The following VWC2 variants were observed in gnomAD, a reference collection of about 807,000 sequenced individuals.
VWC2 encodes von Willebrand factor C domain containing 2.
VWC2 carries 14 observed loss-of-function variants against 29.8 expected under a neutral mutation model. The ratio of observed to expected loss-of-function variants is 0.47; its 90% CI spans 0.31 to 0.74. The LOEUF (loss-of-function observed/expected upper bound fraction) is 0.74. Ranked by LOEUF, VWC2 falls within the 30% of genes least tolerant of loss-of-function variation. VWC2 has a pLI of 0.05. For synonymous variants in VWC2, 213 were observed against 199.0 expected, an observed-to-expected ratio of 1.07 and a Z score of -0.59; for missense variants, 457 against 459.8, an observed-to-expected ratio of 0.99 and a Z score of 0.05.
In VWC2 at chr7:49,919,934, A is replaced by T. The variant is rs1426435379; in HGVS notation, c.*7749A>T. 6.6e-6 allele frequency: 1 copy of T among 152,238 alleles called. No individual in the cohort carries two copies. Among genetic ancestry groups the T allele is most frequent in the African/African-American group, 2.4e-5 (1 of 41,460 alleles). 9.4% of individuals were successfully genotyped at this position (152,238 alleles called of 1,614,324 possible). A position where few individuals can be genotyped will look rare whatever the true frequency, so the allele number is the denominator to read the frequency against. On this transcript the variant is annotated 3_prime_UTR_variant, in exon 4 of 4. Coordinates refer to ENST00000340652, the MANE Select transcript of VWC2 (RefSeq NM_198570.5). ...GTTTTAGATTAATTATGGCCAACTG[A>T]TACCTTAAAATATTTGTTACAAATA...
intron 3 of VWC2, among the ~76,000 whole-genome samples, chr7:49,904,902 A>C (rs1793003292): frequency 6.6e-6 from 1 of 151,800 alleles, no homozygotes; most frequent in South Asian, 2.1e-4. Flanking sequence ...CACCTGGCTA[A>C]TTTTTGTATT....
At chr7:49,808,045 T>G (rs1788916285) in intron 3 of VWC2, among the ~76,000 whole-genome samples, 1 of 152,106 alleles carries the variant, frequency 6.6e-6, no homozygotes, top group South Asian at 2.1e-4. Context: ...CTGCCTTCAT[T>G]ATTTCTGTAA....
Position 49,912,093 on chromosome 7 carries a change from G to A in VWC2, c.886G>A (p.Glu296Lys), listed in dbSNP as rs770578022. The A allele has an allele frequency of 5.0e-6, 8 of 1,614,062 alleles. No homozygotes were observed. The highest frequency in any genetic ancestry group is 6.8e-6 in the Non-Finnish European group (8 of 1,180,012). ...IPAGREVKTD[E>K]CTICHCTYEE... ...TGCTGGCAGAGAAGTGAAGACTGAC[G>A]AGTGCACCATATGCCACTGTACTTA... The change falls in exon 4 of 4, where the codon GAG becomes AAG. Residue 296 changes from glutamate to lysine, a missense_variant. Transcript: ENST00000340652.
intron 3 of VWC2, among the ~76,000 whole-genome samples, chr7:49,821,570 T>C (rs1188864279): frequency 6.6e-6 from 1 of 152,116 alleles, no homozygotes; most frequent in Admixed American, 6.5e-5. Flanking sequence ...CATTAAATAA[T>C]GTCAGTTTTA....
intron 2 of VWC2, among the ~76,000 whole-genome samples, chr7:49,791,402 TA>T (rs1444847438): frequency 6.6e-6 from 1 of 152,248 alleles, no homozygotes; most frequent in Non-Finnish European, 1.5e-5. Context: ...AATAATCATG[TA>T]ACAGGGTCAA....
intron 3 of VWC2, among the ~76,000 whole-genome samples, chr7:49,893,345 G>T (rs1271807326): frequency 3.9e-5 from 6 of 152,230 alleles, no homozygotes; most frequent in Non-Finnish European, 5.9e-5. Context: ...CTCCCTGGGA[G>T]TCACTGAGAA....
intron 3 of VWC2, among the ~76,000 whole-genome samples, chr7:49,902,701 T>C (rs1792834910): frequency 6.6e-6 from 1 of 152,054 alleles, no homozygotes; most frequent in Admixed American, 6.6e-5. Context: ...TAGGGCTTCT[T>C]GATGAGTTGT....
chr7:49,902,883 C>A (rs1792846857), intron 3 of VWC2, among the ~76,000 whole-genome samples: 1 of 152,030 alleles, frequency 6.6e-6, no homozygotes, highest in African/African-American at 2.4e-5. Context: ...GATAAAGGAA[C>A]AGTACGTGGA....
chr7:49,873,061 A>C (rs1791243442), intron 3 of VWC2, among the ~76,000 whole-genome samples: 1 of 152,146 alleles, frequency 6.6e-6, no homozygotes, highest in Admixed American at 6.6e-5. Flanking sequence ...TGAAGAAAAA[A>C]TGTTCAACCT....
intron 3 of VWC2, among the ~76,000 whole-genome samples, chr7:49,854,799 A>G (rs1339347138): frequency 6.6e-6 from 1 of 152,172 alleles, no homozygotes; most frequent in Admixed American, 6.5e-5. Context: ...TGAGCCACAC[A>G]TTTTACTAAA....
intron 2 of VWC2, among the ~76,000 whole-genome samples, chr7:49,792,240 C>T (rs2128704002): frequency 6.6e-6 from 1 of 152,296 alleles, no homozygotes; most frequent in African/African-American, 2.4e-5. Context: ...GTGGAGTGTC[C>T]ATCATGAGCC....
intron 3 of VWC2, among the ~76,000 whole-genome samples, chr7:49,909,700 G>C (rs1793300290): frequency 6.6e-6 from 1 of 152,160 alleles, no homozygotes; most frequent in Non-Finnish European, 1.5e-5. Flanking sequence ...AGTACAATTG[G>C]AACTAAAATT....
chr7:49,862,653 GTT>G (rs200190931), intron 3 of VWC2, among the ~76,000 whole-genome samples: 1 of 141,276 alleles, frequency 7.1e-6, no homozygotes, highest in East Asian at 2.1e-4. Flanking sequence ...ACTTTGATGT[GTT>G]TTTTTTTTCA....
rs763774592 is a variant in VWC2 at position 49,775,788 on chromosome 7, C to G, written c.353C>G (p.Pro118Arg). ...CAGGTCCGGCCCCGCGGGGACACCC[C>G]GCAGGCGGAAGCCCTGGCCGCAGCC... ...DLQVRPRGDTPQAEALAAAAQ... is the reference protein window; with the variant it reads ...DLQVRPRGDTRQAEALAAAAQ... Residue 118 changes from proline to arginine, a missense_variant, in exon 2 of 4, where the codon CCG (proline) becomes CGG (arginine). Physicochemically the swap from Pro to Arg is moderately radical, Grantham distance 103. This residue lies in a region of VWC2 where 272 missense variants were observed against 202.7 expected (regional missense o/e 1.34). Transcript: ENST00000340652. The G allele has an allele frequency of 2.0e-6, 3 of 1,528,424 alleles. No individual in the cohort carries two copies. The highest frequency in any genetic ancestry group is 1.2e-5 in the South Asian group (1 of 81,162). The allele number at this position is 1,528,424 out of a possible 1,614,324, so 94.7% of individuals were successfully genotyped here.
intron 3 of VWC2, among the ~76,000 whole-genome samples, chr7:49,904,230 T>C (rs1326126420): frequency 6.6e-6 from 1 of 152,156 alleles, no homozygotes; most frequent in East Asian, 1.9e-4. Flanking sequence ...TGAGGCTGCT[T>C]TTCATTAAAA....
chr7:49,837,859 A>G (rs998547403), intron 3 of VWC2, among the ~76,000 whole-genome samples: 2 of 152,186 alleles, frequency 1.3e-5, no homozygotes, highest in Non-Finnish European at 2.9e-5. Context: ...TTTATTTCTT[A>G]TTTTGAGACC....
chr7:49,852,876 CTG>C (rs1790240666), intron 3 of VWC2, among the ~76,000 whole-genome samples: 6 of 152,222 alleles, frequency 3.9e-5, no homozygotes, highest in Admixed American at 2.6e-4. Context: ...CAGATGGAAA[CTG>C]GCTTCTGTAA....
chr7:49,785,378 GA>G (rs1304623453), intron 2 of VWC2, among the ~76,000 whole-genome samples: 1 of 152,176 alleles, frequency 6.6e-6, no homozygotes, highest in African/African-American at 2.4e-5. Flanking sequence ...ATAGTTCCAA[GA>G]GACGGCAGTT....
At chr7:49,785,925 G>T (rs753091960) in intron 2 of VWC2, among the ~76,000 whole-genome samples, 1 of 152,196 alleles carries the variant, frequency 6.6e-6, no homozygotes, top group African/African-American at 2.4e-5. Context: ...ACAGAATCAA[G>T]AAGGAGTGGA....
Sources: gnomAD v4.1 joint callset for allele counts (sites outside exome capture counted in the v4.1 genomes callset) on GRCh38, gnomAD v4.1.1 for gene constraint, gnomAD v4.1.1 regional missense constraint, MANE v1.5 for transcripts, NCBI Gene and HGNC (gene_info 2026-07-23, HGNC 2026-07-21) for gene names.